The following HDAC8 variants were observed in gnomAD, a reference collection of about 807,000 sequenced individuals.
HDAC8 encodes the protein histone deacetylase-like 1.
Under a neutral mutation model 32.2 loss-of-function variants are expected in HDAC8, and 1 was observed. The observed-to-expected ratio is 0.03, with a 90% CI of 0.01 to 0.15. The LOEUF (loss-of-function observed/expected upper bound fraction) is 0.15, where lower values mean the gene tolerates loss of function less well. Ranked by LOEUF, HDAC8 falls within the 10% of genes least tolerant of loss-of-function variation. The probability of loss-of-function intolerance (pLI) is 1.00; values close to 1 mark genes in which losing one functional copy is unlikely to be tolerated. For synonymous variants in HDAC8, 108 were observed against 113.9 expected (o/e 0.95, Z 0.33); for missense variants, 117 against 300.0 (o/e 0.39, Z 4.51).
chrX:72,418,547 G>T (rs1378636359), intron 9 of HDAC8, among the ~76,000 whole-genome samples: 2 of 111,710 alleles, frequency 1.8e-5, no homozygotes, highest in African/African-American at 6.5e-5. Context: ...ATGCTGGCAA[G>T]GTTGTGGAGA....
chrX:72,543,564 G>A (rs1192519927), intron 4 of HDAC8, among the ~76,000 whole-genome samples: 2 of 111,542 alleles, frequency 1.8e-5, no homozygotes, highest in Admixed American at 9.4e-5. Flanking sequence ...CCAATGTCCC[G>A]AGAGCCTGAA....
At position 72,434,633 on chromosome X, in the gene HDAC8, C is replaced by T. The variant is rs781923341; in HGVS notation, c.1005+27371G>A. Among the ~76,000 whole-genome samples, 5 of 112,025 alleles carry T rather than the reference C, an allele frequency of 4.5e-5. No homozygotes were observed. In the South Asian group the frequency reaches 1.9e-3, roughly 42 times the overall value. On this transcript the variant is annotated intron_variant, in intron 9 of 10. Transcript: ENST00000373573. ...AATACAGCACCATACTCAGTTTCTA[C>T]ACTTATTAGGCACTCACTGGGTACT...
chrX:72,464,808 G>T, intron 7 of HDAC8, 77 bp from the exon 8 acceptor site: 3 of 678,224 alleles, frequency 4.4e-6, no homozygotes, highest in African/African-American at 2.2e-5. Context: ...CAAGTTGGAG[G>T]TATAATTGAA....
At chrX:72,459,630 C>T (rs781789689) in intron 9 of HDAC8, among the ~76,000 whole-genome samples, 1 of 111,513 alleles carries the variant, frequency 9.0e-6, no homozygotes, top group East Asian at 2.8e-4. Flanking sequence ...CACAGTCACT[C>T]TTCCTACTGT....
intron 4 of HDAC8, among the ~76,000 whole-genome samples, chrX:72,560,904 C>A (rs1317554387): frequency 5.5e-5 from 6 of 110,060 alleles, no homozygotes; most frequent in Non-Finnish European, 1.1e-4. Context: ...TCTACTTTTT[C>A]ATGATGTATT....
At chrX:72,346,541 A>T (rs1161220243) in intron 10 of HDAC8, among the ~76,000 whole-genome samples, 2 of 112,085 alleles carry the variant, frequency 1.8e-5, no homozygotes, top group African/African-American at 6.5e-5. Flanking sequence ...CTGCCAGAGG[A>T]AGTGCTGCTT....
At chrX:72,502,344 CACA>C (rs1332408465) in intron 4 of HDAC8, among the ~76,000 whole-genome samples, 5 of 111,881 alleles carry the variant, frequency 4.5e-5, no homozygotes, top group African/African-American at 1.6e-4. Context: ...CGGCACTATT[CACA>C]ACAACAAAGA....
intron 4 of HDAC8, among the ~76,000 whole-genome samples, chrX:72,562,873 AT>A (rs1300801686): frequency 1.0e-5 from 1 of 98,836 alleles, no homozygotes; most frequent in Non-Finnish European, 2.1e-5. Context: ...TTTAAGACCT[AT>A]TTTTTTTCTT....
intron 4 of HDAC8, among the ~76,000 whole-genome samples, chrX:72,509,884 C>T (rs1556021120): frequency 9.0e-6 from 1 of 111,319 alleles, no homozygotes; most frequent in Non-Finnish European, 1.9e-5. Flanking sequence ...TTGTCTATCC[C>T]CATTTACCAT....
At chrX:72,444,485 A>C (rs1376260076) in intron 9 of HDAC8, among the ~76,000 whole-genome samples, 1 of 110,671 alleles carries the variant, frequency 9.0e-6, no homozygotes, top group Admixed American at 9.7e-5. Flanking sequence ...ATAATTCAAC[A>C]CCCTTCATGC....
At chrX:72,380,125 C>T (rs1198676468) in intron 9 of HDAC8, among the ~76,000 whole-genome samples, 1 of 111,093 alleles carries the variant, frequency 9.0e-6, no homozygotes, top group African/African-American at 3.3e-5. Context: ...CTTTTAGATT[C>T]CCAGGTATTT....
chrX:72,371,468 G>A (rs2044874633), intron 9 of HDAC8, among the ~76,000 whole-genome samples: 1 of 111,802 alleles, frequency 8.9e-6, no homozygotes, highest in African/African-American at 3.3e-5. Flanking sequence ...GCAGGTGTAT[G>A]TTGGAACATG....
intron 10 of HDAC8, among the ~76,000 whole-genome samples, chrX:72,339,227 C>T (rs906306053): frequency 8.9e-6 from 1 of 111,851 alleles, no homozygotes; most frequent in Non-Finnish European, 1.9e-5. Context: ...GCTCCCTCAG[C>T]CCAATCTGGT....
intron 9 of HDAC8, among the ~76,000 whole-genome samples, chrX:72,377,547 T>G (rs2045119574): frequency 8.9e-6 from 1 of 111,962 alleles, no homozygotes; most frequent in South Asian, 3.7e-4. Context: ...TTTCACTTCT[T>G]TAGTTTTTGT....
At chrX:72,381,786 CAGT>C (rs1263154118) in intron 9 of HDAC8, among the ~76,000 whole-genome samples, 2 of 112,189 alleles carry the variant, frequency 1.8e-5, no homozygotes, top group South Asian at 3.8e-4. Flanking sequence ...TTCCAGGTTC[CAGT>C]GACTTGGAAT....
intron 7 of HDAC8, among the ~76,000 whole-genome samples, chrX:72,468,385 C>A (rs1018547887): frequency 2.2e-4 from 24 of 111,081 alleles, no homozygotes; most frequent in African/African-American, 7.2e-4. Context: ...GGCTAATTGA[C>A]AGAGTAGGAG....
intron 9 of HDAC8, among the ~76,000 whole-genome samples, chrX:72,448,448 G>T (rs1416563431): frequency 3.6e-5 from 4 of 112,150 alleles, no homozygotes; most frequent in African/African-American, 1.3e-4. Context: ...ATGCATTAAA[G>T]ACTTAAACAT....
At chrX:72,554,492 CGGGGGG>C (rs2051200858) in intron 4 of HDAC8, among the ~76,000 whole-genome samples, 1 of 3,457 alleles carries the variant, frequency 2.9e-4, no homozygotes, top group Non-Finnish European at 1.5e-3. Flanking sequence ...GCGGGTAGGG[CGGGGGG>C]AGCGGGGAGG....
Position 72,351,779 on chromosome X carries a change from G to A in HDAC8, c.1065C>T (p.Asp355=). ...VLEITPSCRP[D]RNEPHRIQQI... ...GTTGGATTCGGTGGGGCTCATTGCG[G>A]TCTGGCCGGCAGCTTGGCGTGATTT... The change falls in exon 10 of 11, where the codon GAC becomes GAT. Residue 355 remains aspartate (D), a synonymous_variant. Coordinates refer to ENST00000373573, the MANE Select transcript of HDAC8 (RefSeq NM_018486.3). 1 of 1,211,120 alleles carries A rather than the reference G, an allele frequency of 8.3e-7. No homozygotes were observed. The highest frequency in any genetic ancestry group is 1.1e-6 in the Non-Finnish European group (1 of 894,831).
Sources: gnomAD v4.1 joint callset for allele counts (sites outside exome capture counted in the v4.1 genomes callset) on GRCh38, gnomAD v4.1.1 for gene constraint, MANE v1.5 for transcripts, NCBI Gene and HGNC (gene_info 2026-07-23, HGNC 2026-07-21) for gene names.